MCHR2: variants seen among roughly 807,000 people sequenced by gnomAD.
MCHR2 encodes melanin concentrating hormone receptor 2.
MCHR2 carries 15 observed loss-of-function variants against 24.8 expected under a neutral mutation model. The observed-to-expected ratio is 0.60, with a 90% confidence interval of 0.40 to 0.93. The LOEUF (loss-of-function observed/expected upper bound fraction) is 0.93. Ranked by LOEUF, MCHR2 falls within the 40% of genes least tolerant of loss-of-function variation. MCHR2 has a pLI of 0.00. For synonymous variants in MCHR2, 151 were observed against 147.6 expected (o/e 1.02, Z -0.17); for missense variants, 386 against 408.7 (o/e 0.94, Z 0.48).
chr6:99,956,059 C>CT lies in MCHR2; in HGVS notation c.88dup (p.Ser30LysfsTer40). 1 of 1,613,424 alleles carries CT rather than the reference C, an allele frequency of 6.2e-7. No individual in the cohort carries two copies. The highest frequency in any genetic ancestry group is 1.3e-5 in the African/African-American group (1 of 74,952). ...AGGGAGGATGACTGTATCTACCACA[C>CT]TGGCAGTTTGATAAGCAAACTCTTT... is the stretch of plus-strand genomic sequence containing the variant. On this transcript the variant is annotated frameshift_variant, in exon 2 of 6. Coordinates refer to ENST00000281806, the MANE Select transcript of MCHR2 (RefSeq NM_001040179.2). LOFTEE classifies it high-confidence loss of function.
chr6:99,945,927 A>G (rs973000079), intron 3 of MCHR2, among the ~76,000 whole-genome samples: 8 of 152,174 alleles, frequency 5.3e-5, no homozygotes, highest in Non-Finnish European at 1.0e-4. Context: ...AAACCTGTCA[A>G]TATTTAAAAA....
chr6:99,945,642 C>T (rs1774859874), intron 3 of MCHR2, among the ~76,000 whole-genome samples: 1 of 152,120 alleles, frequency 6.6e-6, no homozygotes. Context: ...AGCCTCATTT[C>T]TCTTTTACAA....
chr6:99,958,387 TAC>T (rs1775111157), intron 1 of MCHR2, among the ~76,000 whole-genome samples: 1 of 152,070 alleles, frequency 6.6e-6, no homozygotes, highest in African/African-American at 2.4e-5. Flanking sequence ...TTGAAATCTA[TAC>T]GTACATAAAA....
At chr6:99,958,606 T>A (rs1281788797) in intron 1 of MCHR2, among the ~76,000 whole-genome samples, 1 of 152,094 alleles carries the variant, frequency 6.6e-6, no homozygotes, top group Non-Finnish European at 1.5e-5. Flanking sequence ...ACCCTCTTTC[T>A]CCCATGGCAC....
At chr6:99,925,148 A>G (rs747253084) in intron 5 of MCHR2, among the ~76,000 whole-genome samples, 1 of 152,114 alleles carries the variant, frequency 6.6e-6, no homozygotes, top group Admixed American at 6.5e-5. Context: ...TTTTATCATT[A>G]TATGGTGATC....
intron 1 of MCHR2, among the ~76,000 whole-genome samples, chr6:99,962,984 G>A (rs1775225241): frequency 6.6e-6 from 1 of 151,970 alleles, no homozygotes; most frequent in Non-Finnish European, 1.5e-5. Flanking sequence ...ATGGCCAACA[G>A]ATATATGAAA....
chr6:99,934,972 T>A (rs1774627378), intron 4 of MCHR2, among the ~76,000 whole-genome samples: 1 of 152,026 alleles, frequency 6.6e-6, no homozygotes, highest in African/African-American at 2.4e-5. Context: ...TGCCCAAGAT[T>A]ACCCAAACAG....
In MCHR2 at chr6:99,957,080, T is replaced by C. The variant is rs1582392081; in HGVS notation, c.-27-906A>G. ...TTTGAATGAGATCTTGAAAAGTAAGTGGAATACTGAAGCACCAATGCTATC... is the reference window on the plus strand; with the variant it reads ...TTTGAATGAGATCTTGAAAAGTAAGCGGAATACTGAAGCACCAATGCTATC... On this transcript the variant is annotated intron_variant, in intron 1 of 5. Coordinates refer to ENST00000281806, the MANE Select transcript of MCHR2 (RefSeq NM_001040179.2). Among the ~76,000 whole-genome samples, 4 of 152,136 alleles carry C rather than the reference T, an allele frequency of 2.6e-5. No homozygotes were observed. The South Asian group carries it at 8.3e-4, about 32-fold the overall frequency.
intron 1 of MCHR2, among the ~76,000 whole-genome samples, chr6:99,971,545 C>T (rs555384259): frequency 6.6e-6 from 1 of 152,072 alleles, no homozygotes; most frequent in Non-Finnish European, 1.5e-5. Flanking sequence ...AATTGAATAC[C>T]CTTTATTTCC....
intron 1 of MCHR2, among the ~76,000 whole-genome samples, chr6:99,987,415 T>A (rs1170789760): frequency 6.6e-6 from 1 of 152,216 alleles, no homozygotes; most frequent in African/African-American, 2.4e-5. Flanking sequence ...GTAATTAAAT[T>A]TTTTCACAGC....
chr6:99,929,695 A>G (rs1774466206), intron 5 of MCHR2, among the ~76,000 whole-genome samples: 1 of 151,928 alleles, frequency 6.6e-6, no homozygotes, highest in African/African-American at 2.4e-5. Context: ...TGCTTGGTAG[A>G]TCTTTCTCCA....
chr6:99,929,432 G>A (rs1341875159), intron 5 of MCHR2, among the ~76,000 whole-genome samples: 1 of 152,178 alleles, frequency 6.6e-6, no homozygotes, highest in Non-Finnish European at 1.5e-5. Flanking sequence ...AATGTTGACA[G>A]TAGGGTGTTA....
At chr6:99,933,059 C>T (rs1054053528) in intron 5 of MCHR2, among the ~76,000 whole-genome samples, 2 of 150,626 alleles carry the variant, frequency 1.3e-5, no homozygotes, top group Non-Finnish European at 3.0e-5. Context: ...TAAAATAAAA[C>T]ATATTTTAAA....
At chr6:99,961,591 C>A (rs1775190092) in intron 1 of MCHR2, among the ~76,000 whole-genome samples, 2 of 152,110 alleles carry the variant, frequency 1.3e-5, no homozygotes, top group African/African-American at 4.8e-5. Context: ...TTATTCTCAG[C>A]AAACTATCAC....
intron 4 of MCHR2, among the ~76,000 whole-genome samples, chr6:99,936,196 T>C (rs1056056975): frequency 1.3e-5 from 2 of 152,100 alleles, no homozygotes; most frequent in African/African-American, 4.8e-5. Flanking sequence ...AGAAGCTTTT[T>C]AGTTTGAGGT....
intron 4 of MCHR2, among the ~76,000 whole-genome samples, chr6:99,935,606 C>A (rs1483861563): frequency 6.6e-6 from 1 of 151,712 alleles, no homozygotes; most frequent in African/African-American, 2.4e-5. Context: ...ATCCATTCAC[C>A]TATTGATAGG....
At chr6:99,974,463 A>T (rs909544225) in intron 1 of MCHR2, among the ~76,000 whole-genome samples, 8 of 152,064 alleles carry the variant, frequency 5.3e-5, no homozygotes, top group Non-Finnish European at 1.2e-4. Context: ...CATTTGCCTA[A>T]TTTTTTTCTC....
At chr6:99,990,798 C>G (rs1775858672) in intron 1 of MCHR2, among the ~76,000 whole-genome samples, 1 of 151,494 alleles carries the variant, frequency 6.6e-6, no homozygotes, top group African/African-American at 2.4e-5. Context: ...TGCCCTTCAC[C>G]AAGACAGAGG....
chr6:99,930,936 T>A (rs28795740), intron 5 of MCHR2, among the ~76,000 whole-genome samples: 1 of 152,156 alleles, frequency 6.6e-6, no homozygotes, highest in Non-Finnish European at 1.5e-5. Context: ...GAGTTTCCAG[T>A]TTTTCTGCTC....
Sources: allele counts gnomAD v4.1 joint callset (sites outside exome capture counted in the v4.1 genomes callset), GRCh38; gene constraint gnomAD v4.1.1; transcripts MANE v1.5; gene names NCBI Gene and HGNC (gene_info 2026-07-23, HGNC 2026-07-21).